The following ANK2 variants were observed in gnomAD, a reference collection of about 807,000 sequenced individuals.
The protein encoded by ANK2 is ankyrin-2.
In ANK2, 83 loss-of-function variants were observed where a neutral mutation model predicts 360.5. The ratio of observed to expected loss-of-function variants is 0.23; its 90% CI spans 0.19 to 0.28. The LOEUF (loss-of-function observed/expected upper bound fraction) is 0.28, where lower values mean the gene tolerates loss of function less well. ANK2 is among the 10% of genes least tolerant of loss of function. ANK2 has a pLI of 1.00. For synonymous variants in ANK2, 1,740 were observed against 1,759.5 expected, an observed-to-expected ratio of 0.99 and a Z score of 0.28; for missense variants, 4,201 against 4,795.7, an observed-to-expected ratio of 0.88 and a Z score of 3.66.
chr4:113,205,017 C>G (rs1440225565), intron 4 of ANK2, among the ~76,000 whole-genome samples: 2 of 151,972 alleles, frequency 1.3e-5, no homozygotes, highest in Admixed American at 1.3e-4. Context: ...GGGCGGATCA[C>G]GAGGTCAGGA....
chr4:113,231,045 CTTTTTTT>C (rs1331185055), intron 4 of ANK2, among the ~76,000 whole-genome samples: 18 of 139,984 alleles, frequency 1.3e-4, no homozygotes, highest in Middle Eastern at 7.4e-3. Context: ...TTTACATTTT[CTTTTTTT>C]TTTTTTTCTT....
intron 2 of ANK2, among the ~76,000 whole-genome samples, chr4:113,021,148 T>C (rs903178669): frequency 6.7e-6 from 1 of 148,422 alleles, no homozygotes; most frequent in Non-Finnish European, 1.5e-5. Flanking sequence ...GAAGCAGTGA[T>C]GTAAACCCTT....
chr4:112,823,930 T>C (rs6849218), intron 1 of ANK2, among the ~76,000 whole-genome samples: 18,079 of 152,220 alleles, frequency 0.12, 1,816 homozygotes, highest in African/African-American at 0.27. Flanking sequence ...CTGAGATTAC[T>C]GTTTGGGGTC....
intron 2 of ANK2, among the ~76,000 whole-genome samples, chr4:113,001,370 A>G (rs1168975306): frequency 6.6e-6 from 1 of 151,304 alleles, no homozygotes; most frequent in East Asian, 1.9e-4. Context: ...TTTATGCTTG[A>G]CAATTAATAA....
intron 1 of ANK2, among the ~76,000 whole-genome samples, chr4:113,130,319 T>A (rs1306889320): frequency 3.9e-5 from 6 of 151,902 alleles, no homozygotes; most frequent in Middle Eastern, 3.2e-3. Context: ...CTCAGTAAAA[T>A]TTTTTTTTCT....
intron 1 of ANK2, among the ~76,000 whole-genome samples, chr4:112,853,065 A>G (rs1476723320): frequency 6.7e-6 from 1 of 150,280 alleles, no homozygotes; most frequent in Non-Finnish European, 1.5e-5. Flanking sequence ...GTGCCACCAC[A>G]TCTGGCTAAT....
At chr4:112,803,392 G>C in the ANK2 span, among the ~76,000 whole-genome samples, 1 of 152,132 alleles carries the variant, frequency 6.6e-6, no homozygotes, top group African/African-American at 2.4e-5. Context: ...GCAGGCAGAA[G>C]GGCAGTTTGA....
At chr4:112,890,366 G>A (rs903625431) in intron 1 of ANK2, among the ~76,000 whole-genome samples, 14 of 152,112 alleles carry the variant, frequency 9.2e-5, no homozygotes, top group Non-Finnish European at 1.8e-4. Flanking sequence ...GTATTCAAGA[G>A]CATGGTGTGG....
At chr4:113,328,531 C>T (rs2091241566) in intron 26 of ANK2, among the ~76,000 whole-genome samples, 1 of 152,186 alleles carries the variant, frequency 6.6e-6, no homozygotes, top group African/African-American at 2.4e-5. Flanking sequence ...TACTGGAAGA[C>T]TAGTAATAAG....
At chr4:113,016,498 T>C (rs2056666765) in intron 2 of ANK2, among the ~76,000 whole-genome samples, 1 of 152,128 alleles carries the variant, frequency 6.6e-6, no homozygotes, top group Non-Finnish European at 1.5e-5. Flanking sequence ...TCTTCTCTGC[T>C]CCAGGGATGC....
At chr4:113,152,079 G>GAAAAAAAAAA (rs1554193694) in intron 1 of ANK2, among the ~76,000 whole-genome samples, 73 of 25,314 alleles carry the variant, frequency 2.9e-3, no homozygotes, top group East Asian at 5.8e-3. Flanking sequence ...AAAAAAAAAA[G>GAAAAAAAAAA]AAAAAAAAAA....
At chr4:112,779,942 G>T in the ANK2 span, among the ~76,000 whole-genome samples, 4 of 152,188 alleles carry the variant, frequency 2.6e-5, no homozygotes, top group African/African-American at 9.7e-5. Flanking sequence ...AAGCCAGTGA[G>T]CCAGGTGTGG....
intron 22 of ANK2, among the ~76,000 whole-genome samples, chr4:113,298,432 A>G (rs1007986838): frequency 6.6e-6 from 1 of 152,192 alleles, no homozygotes; most frequent in African/African-American, 2.4e-5. Flanking sequence ...TATAAATGCA[A>G]TTGGTGACCA....
At chr4:113,214,519 T>A in intron 4 of ANK2, 1 of 593,568 alleles carries the variant, frequency 1.7e-6, no homozygotes, top group Non-Finnish European at 3.0e-6. Context: ...TTCATTAATT[T>A]ATTAAGAGCC....
At chr4:112,929,754 A>G (rs1397643879) in intron 2 of ANK2, among the ~76,000 whole-genome samples, 3 of 152,164 alleles carry the variant, frequency 2.0e-5, no homozygotes, top group African/African-American at 7.2e-5. Flanking sequence ...TCACTCTCAC[A>G]ATCTGCACTG....
At chr4:113,347,642 C>T (rs1023321345) in intron 35 of ANK2, among the ~76,000 whole-genome samples, 23 of 151,990 alleles carry the variant, frequency 1.5e-4, no homozygotes, top group African/African-American at 4.8e-4. Flanking sequence ...AAAAAAATCC[C>T]AGACATTGTA....
chr4:113,020,391 T>G (rs1050889725), intron 2 of ANK2, among the ~76,000 whole-genome samples: 2 of 152,142 alleles, frequency 1.3e-5, no homozygotes, highest in African/African-American at 4.8e-5. Flanking sequence ...AGACAGGGTC[T>G]CGCTGTGTTG....
the ANK2 span, among the ~76,000 whole-genome samples, chr4:112,769,426 C>T: frequency 6.6e-6 from 1 of 152,088 alleles, no homozygotes; most frequent in African/African-American, 2.4e-5. Flanking sequence ...TTAATTGAGG[C>T]CATTAATGCA....
At chr4:113,215,967 A>G (rs2099080990) in intron 4 of ANK2, among the ~76,000 whole-genome samples, 1 of 152,164 alleles carries the variant, frequency 6.6e-6, no homozygotes, top group Non-Finnish European at 1.5e-5. Context: ...CTCTTCTTAT[A>G]CATGAAAAGC....
Sources: gnomAD v4.1 joint callset for allele counts (sites outside exome capture counted in the v4.1 genomes callset) on GRCh38, gnomAD v4.1.1 for gene constraint, MANE v1.5 for transcripts, NCBI Gene and HGNC (gene_info 2026-07-23, HGNC 2026-07-21) for gene names.